Variants in KRCC1 observed in about 807,000 individuals in gnomAD.
KRCC1 encodes lysine-rich coiled-coil protein 1.
In KRCC1, 3 loss-of-function variants were observed where a neutral mutation model predicts 7.4. That is an observed-to-expected ratio of 0.40 (90% CI 0.18 to 1.04). KRCC1 has a LOEUF of 1.04. Among genes scored for constraint, KRCC1 ranks in the 50% least tolerant of loss-of-function variants. The pLI, the probability that KRCC1 is intolerant of heterozygous loss-of-function variation, is 0.33. For missense variants in KRCC1, 277 were observed against 300.9 expected, an observed-to-expected ratio of 0.92 and a Z score of 0.59; for synonymous variants, 102 against 101.6, an observed-to-expected ratio of 1.00 and a Z score of -0.02.
intron 1 of KRCC1, among the ~76,000 whole-genome samples, chr2:88,054,829 C>T (rs895946816): frequency 6.6e-6 from 1 of 152,168 alleles, no homozygotes; most frequent in African/African-American, 2.4e-5. Context: ...CTCAGCTGGG[C>T]GCGGTAGCTC....
chr2:88,051,631 T>A (rs779747646), intron 1 of KRCC1, among the ~76,000 whole-genome samples: 16 of 152,180 alleles, frequency 1.1e-4, no homozygotes, highest in Non-Finnish European at 1.3e-4. Context: ...AAAGTGACAA[T>A]AGGTAATTTT....
chr2:88,027,376 T>A lies in KRCC1; in HGVS notation c.*408A>T, dbSNP rs1260997525. On this transcript the variant is annotated 3_prime_UTR_variant, in exon 4 of 4. Coordinates refer to ENST00000347055, the MANE Select transcript of KRCC1 (RefSeq NM_016618.3). ...TTAGATCTAATAAAGGAGAAAAAAATTGCTTCACAGAGAAAAACCAATGAA... is the reference window on the plus strand; with the variant it reads ...TTAGATCTAATAAAGGAGAAAAAAAATGCTTCACAGAGAAAAACCAATGAA... 1 of 158,964 alleles carries A rather than the reference T, an allele frequency of 6.3e-6. No homozygotes were observed. Among genetic ancestry groups the A allele is most frequent in the East Asian group, 1.9e-4 (1 of 5,320 alleles). 9.8% of individuals were successfully genotyped at this position (158,964 alleles called of 1,614,324 possible). A position where few individuals can be genotyped will look rare whatever the true frequency, so the allele number is the denominator to read the frequency against.
intron 1 of KRCC1, among the ~76,000 whole-genome samples, chr2:88,041,583 A>T (rs1673211474): frequency 6.6e-6 from 1 of 152,186 alleles, no homozygotes; most frequent in Admixed American, 6.5e-5. Flanking sequence ...GGGTCCCTGA[A>T]CTAATTGTAT....
intron 3 of KRCC1, 59 bp from the exon 4 acceptor site, chr2:88,028,644 C>CTT (rs35917852): frequency 0.35 from 165,016 of 471,012 alleles, 18,067 homozygotes; most frequent in Admixed American, 0.37. Flanking sequence ...TTCCTTTGCT[C>CTT]TTTTTTTTTT....
At chr2:88,031,062 T>G (rs1188532735) in intron 3 of KRCC1, among the ~76,000 whole-genome samples, 2 of 76,054 alleles carry the variant, frequency 2.6e-5, no homozygotes, top group Non-Finnish European at 5.8e-5. Flanking sequence ...CTATACTATA[T>G]TTTAAATTAT....
intron 1 of KRCC1, among the ~76,000 whole-genome samples, chr2:88,048,729 G>A (rs1447729590): frequency 3.9e-5 from 6 of 152,280 alleles, no homozygotes; most frequent in East Asian, 3.9e-4. Context: ...GAATAGAAGC[G>A]GTGAGAATGG....
At chr2:88,040,124 A>G (rs995034860) in intron 1 of KRCC1, among the ~76,000 whole-genome samples, 2 of 152,200 alleles carry the variant, frequency 1.3e-5, no homozygotes, top group African/African-American at 4.8e-5. Context: ...AAATAGAACA[A>G]TAATTTCCTT....
At chr2:88,032,217 A>G (rs539924555) in intron 3 of KRCC1, among the ~76,000 whole-genome samples, 1 of 152,202 alleles carries the variant, frequency 6.6e-6, no homozygotes, top group South Asian at 2.1e-4. Context: ...GTGTACAGTA[A>G]TATCTTAGGC....
intron 1 of KRCC1, among the ~76,000 whole-genome samples, chr2:88,053,428 CACG>C (rs1001253467): frequency 7.2e-5 from 11 of 152,140 alleles, no homozygotes; most frequent in East Asian, 1.9e-4. Context: ...AGCTTTTTTC[CACG>C]ACAAGTTGTT....
chr2:88,036,884 G>A (rs957052687), intron 2 of KRCC1, 59 bp downstream of exon 2: 2 of 152,180 alleles, frequency 1.3e-5, no homozygotes, highest in Non-Finnish European at 2.9e-5. Flanking sequence ...CATATATGAA[G>A]TTTACCCACT....
chr2:88,048,883 T>G (rs115656309), intron 1 of KRCC1, among the ~76,000 whole-genome samples: 7 of 152,356 alleles, frequency 4.6e-5, no homozygotes, highest in Non-Finnish European at 1.0e-4. Context: ...TGTTGTTTGA[T>G]TCCTTTTTTC....
chr2:88,050,746 T>C (rs1313453993), intron 1 of KRCC1, among the ~76,000 whole-genome samples: 1 of 152,230 alleles, frequency 6.6e-6, no homozygotes, highest in Non-Finnish European at 1.5e-5. Flanking sequence ...CAAAAGTGTT[T>C]GAGAAACTTC....
chr2:88,028,215 G>T lies in KRCC1; in HGVS notation c.349C>A (p.Pro117Thr), dbSNP rs1269993024. ...TRDCFSEKPV[P>T]LNFNQQEYIC... is the part of the protein sequence containing the mutation. ...TATTCTTGTTGATTAAAGTTCAGGG[G>T]TACTGGTTTTTCTGAGAAACAGTCC... Residue 117 changes from proline (P) to threonine (T), a missense_variant, in exon 4 of 4, where the codon CCC becomes ACC. Coordinates refer to ENST00000347055, the MANE Select transcript of KRCC1 (RefSeq NM_016618.3). 8.7e-6 allele frequency: 14 copies of T among 1,614,148 alleles called. No homozygotes were observed. In the South Asian group the frequency reaches 1.1e-4, roughly 13 times the overall value.
At chr2:88,049,779 TAAAGGCAGCAAGTCTGAAAC>T (rs1673427542) in intron 1 of KRCC1, among the ~76,000 whole-genome samples, 1 of 152,246 alleles carries the variant, frequency 6.6e-6, no homozygotes, top group African/African-American at 2.4e-5. Flanking sequence ...TGACACCTAA[TAAAGGCAGCAAGTCTGAAAC>T]TAACAAATAA....
intron 1 of KRCC1, among the ~76,000 whole-genome samples, chr2:88,042,230 T>C (rs1407651154): frequency 6.6e-6 from 1 of 151,930 alleles, no homozygotes; most frequent in Non-Finnish European, 1.5e-5. Flanking sequence ...CCGGCTAATT[T>C]TTTGTATTTT....
chr2:88,033,754 C>T (rs368404546), intron 3 of KRCC1, among the ~76,000 whole-genome samples: 56 of 152,164 alleles, frequency 3.7e-4, no homozygotes, highest in African/African-American at 1.3e-3. Flanking sequence ...TCATTGTTTG[C>T]GGGAATGTAA....
At chr2:88,041,801 GGAGTA>G (rs1410435143) in intron 1 of KRCC1, among the ~76,000 whole-genome samples, 2 of 152,142 alleles carry the variant, frequency 1.3e-5, no homozygotes, top group African/African-American at 4.8e-5. Context: ...TGATTGTTGT[GGAGTA>G]AAGTGAAATT....
At chr2:88,052,143 CA>C (rs1467618754) in intron 1 of KRCC1, among the ~76,000 whole-genome samples, 1 of 152,260 alleles carries the variant, frequency 6.6e-6, no homozygotes, top group Non-Finnish European at 1.5e-5. Context: ...TATCTCTGTG[CA>C]ACTGCCCATA....
intron 1 of KRCC1, among the ~76,000 whole-genome samples, chr2:88,050,932 T>C (rs1244314328): frequency 1.3e-5 from 2 of 151,146 alleles, no homozygotes; most frequent in Non-Finnish European, 2.9e-5. Flanking sequence ...TGCTTTTTTT[T>C]TTTTTTTTTG....
Sources: allele counts gnomAD v4.1 joint callset (sites outside exome capture counted in the v4.1 genomes callset), GRCh38; gene constraint gnomAD v4.1.1; transcripts MANE v1.5; gene names NCBI Gene and HGNC (gene_info 2026-07-23, HGNC 2026-07-21).